CDT1: variants seen among roughly 807,000 people sequenced by gnomAD.
The protein encoded by CDT1 is DNA replication factor Cdt1.
In CDT1, 66 loss-of-function variants were observed where a neutral mutation model predicts 49.3. That is an observed-to-expected ratio of 1.34 (90% CI 1.10 to 1.64). The LOEUF is 1.64. Among genes scored for constraint, CDT1 ranks in the 40% most tolerant of loss-of-function variants. The pLI, the probability that CDT1 is intolerant of heterozygous loss-of-function variation, is 0.00. For synonymous variants in CDT1, 424 were observed against 347.4 expected, an observed-to-expected ratio of 1.22 and a Z score of -2.45; for missense variants, 958 against 807.7, an observed-to-expected ratio of 1.19 and a Z score of -2.26.
chr16:88,804,525 C>T lies in CDT1; in HGVS notation c.229-20C>T, dbSNP rs766599974. The T allele has an allele frequency of 5.6e-6, 9 of 1,610,508 alleles. No individual in the cohort carries two copies. Among genetic ancestry groups the T allele is most frequent in the Non-Finnish European group, 7.6e-6 (9 of 1,178,560 alleles). Reference sequence around the variant, plus strand: ...CACCAGGTCTTGTCATGAGTTCACCCTTGGGGTCCCTCCCACCAGGTTTCC... The same window carrying T: ...CACCAGGTCTTGTCATGAGTTCACCTTTGGGGTCCCTCCCACCAGGTTTCC... On this transcript the variant is annotated intron_variant, in intron 1 of 9. Transcript: ENST00000301019.
chr16:88,808,456 G>C lies in CDT1; in HGVS notation c.*178G>C. 5.8e-6 allele frequency: 4 copies of C among 694,374 alleles called. No individual in the cohort carries two copies. The highest frequency in any genetic ancestry group is 9.4e-6 in the Non-Finnish European group (4 of 423,412). 43.0% of individuals were successfully genotyped at this position (694,374 alleles called of 1,614,324 possible). ...CGAGGGTCTCTGGCTGCGGGCGGTG[G>C]GCCCCTTCATGGGGCTCACCTGGTG... On this transcript the variant is annotated 3_prime_UTR_variant, in exon 10 of 10. Coordinates refer to ENST00000301019, the MANE Select transcript of CDT1 (RefSeq NM_030928.4).
chr16:88,806,224 G>A, intron 6 of CDT1, 103 bp downstream of exon 6: 1 of 1,181,038 alleles, frequency 8.5e-7, no homozygotes, highest in Non-Finnish European at 1.2e-6. Context: ...GCTTCTCCCG[G>A]GATGGAACTG....
rs747397472 is a variant in CDT1, at chr16:88,806,642, C to G, written c.1090C>G (p.Leu364Val). 9 of 1,610,744 alleles carry G rather than the reference C, an allele frequency of 5.6e-6. No individual in the cohort carries two copies. The highest frequency in any genetic ancestry group is 1.1e-5 in the South Asian group (1 of 90,792). Residue 364 changes from leucine (L) to valine (V), a missense_variant, in exon 7 of 10, where the codon CTG becomes GTG. Physicochemically the swap from Leu to Val is conservative, Grantham distance 32 (BLOSUM62 1). Transcript: ENST00000301019. ...GAAGCTCACCACTGCTCAGGAGGTG[C>G]TGGCCCGGGCCCGCAACCTGATTTC... ...TEKLTTAQEVLARARNLISPR... is the reference protein window; with the variant it reads ...TEKLTTAQEVVARARNLISPR...
In CDT1 at chr16:88,804,808, T is replaced by C. The variant is rs780436081; in HGVS notation, c.398T>C (p.Leu133Pro). The C allele has an allele frequency of 1.2e-6, 2 of 1,612,608 alleles. No homozygotes were observed. Among genetic ancestry groups the C allele is most frequent in the South Asian group, 2.2e-5 (2 of 91,066 alleles). The part of the protein sequence containing the change: ...LASCLQRARE[L>P]GARVRALKAS... Reference sequence around the variant, plus strand: ...TCATGCCTGCAACGGGCCCGGGAGCTGGGGGCAAGAGTCCGGGCGCTGAAG... The same window carrying C: ...TCATGCCTGCAACGGGCCCGGGAGCCGGGGGCAAGAGTCCGGGCGCTGAAG... The change falls in exon 3 of 10, where the codon CTG becomes CCG. Residue 133 changes from leucine to proline, a missense_variant. Coordinates refer to ENST00000301019, the MANE Select transcript of CDT1 (RefSeq NM_030928.4).
At position 88,803,825 on chromosome 16, in the gene CDT1, C is replaced by G; in HGVS notation, c.-7C>G. On this transcript the variant is annotated 5_prime_UTR_variant, in exon 1 of 10. Transcript: ENST00000301019. The stretch of plus-strand genomic sequence containing the variant: ...CTTTCCTTGCTTTCGCCGCGCACTC[C>G]GCCGCCATGGAGCAGCGCCGCGTCA... The G allele has an allele frequency of 3.3e-6, 5 of 1,514,520 alleles. No individual in the cohort carries two copies. The highest frequency in any genetic ancestry group is 3.5e-6 in the Non-Finnish European group (4 of 1,131,800). The allele number at this position is 1,514,520 out of a possible 1,614,324, so 93.8% of individuals were successfully genotyped here.
chr16:88,804,507 T>G, intron 1 of CDT1, 38 bp from the exon 2 acceptor site: 1 of 1,603,738 alleles, frequency 6.2e-7, no homozygotes, highest in Non-Finnish European at 8.5e-7. Context: ...GAGCACCAGG[T>G]CTTGTCATGA....
chr16:88,804,130 G>A, intron 1 of CDT1, 71 bp downstream of exon 1: 1 of 1,058,862 alleles, frequency 9.4e-7, no homozygotes, highest in Non-Finnish European at 1.2e-6. Context: ...GGCAGGGCTC[G>A]GGGAAACTGA....
At position 88,807,354 on chromosome 16, in the gene CDT1, G is replaced by A. The variant is rs772355366; in HGVS notation, c.1349G>A (p.Arg450His). Residue 450 changes from arginine (R) to histidine (H), a missense_variant, in exon 9 of 10, where the codon CGC becomes CAC. Arg to His is a conservative substitution (Grantham distance 29). Transcript: ENST00000301019. ...RCPEQEQRLQ[R>H]LERLPELARV... ...CCGGAGCAGGAGCAGCGGCTGCAGC[G>A]CTTAGAACGGCTGCCTGAGCTGGCC... is the stretch of plus-strand genomic sequence containing the variant. The A allele has an allele frequency of 1.7e-5, 27 of 1,612,442 alleles. No homozygotes were observed. The highest frequency in any genetic ancestry group is 1.2e-4 in the South Asian group (11 of 91,076).
In CDT1 at chr16:88,807,175, AGGGGGTG is replaced by A; in HGVS notation, c.1248_1254del (p.Lys416AsnfsTer21). 6.2e-7 allele frequency: 1 copy of A among 1,612,404 alleles called. No homozygotes were observed. Among genetic ancestry groups the A allele is most frequent in the South Asian group, 1.1e-5 (1 of 91,048 alleles). Reference sequence around the variant, plus strand: ...CCTGCAGCCTCTCCCAGTGCTCTGAAGGGGGTGTCCCAGGATCTGCTGGAGCGGGTGA... The same window carrying A: ...CCTGCAGCCTCTCCCAGTGCTCTGAATCCCAGGATCTGCTGGAGCGGGTGA... On this transcript the variant is annotated frameshift_variant, in exon 8 of 10. Coordinates refer to ENST00000301019, the MANE Select transcript of CDT1 (RefSeq NM_030928.4). LOFTEE classifies it high-confidence loss of function.
At chr16:88,805,289 T>C in intron 3 of CDT1, 151 bp from the exon 4 acceptor site, 14 of 890,052 alleles carry the variant, frequency 1.6e-5, no homozygotes, top group Non-Finnish European at 2.3e-5. Flanking sequence ...CCCCTAACGG[T>C]GCCAGTGCTG....
At chr16:88,807,635 G>A (rs542924696) in intron 9 of CDT1, among the ~76,000 whole-genome samples, 153 bp downstream of exon 9, 6 of 152,298 alleles carry the variant, frequency 3.9e-5, no homozygotes, top group East Asian at 3.9e-4. Context: ...TGTCCTGGGC[G>A]CTCTGCCCTC....
rs1908812876 is a variant in CDT1, at chr16:88,805,457, C to T, written c.506C>T (p.Ala169Val). 2 of 1,612,748 alleles carry T rather than the reference C, an allele frequency of 1.2e-6. No individual in the cohort carries two copies. Among genetic ancestry groups the T allele is most frequent in the Non-Finnish European group, 1.7e-6 (2 of 1,179,930 alleles). The change falls in exon 4 of 10, where the codon GCC (alanine) becomes GTC (valine). Residue 169 changes from alanine (A) to valine (V), a missense_variant. Transcript: ENST00000301019. ...CCTGACAGTGGCGAGAAGGCGCCCGCCTACCAGCGCTTCCATGCCCTGGCC... is the reference window on the plus strand; with the variant it reads ...CCTGACAGTGGCGAGAAGGCGCCCGTCTACCAGCGCTTCCATGCCCTGGCC... The part of the protein sequence containing the change: ...PEEPCGEKAP[A>V]YQRFHALAQP...
rs755836854 is a variant in CDT1, at chr16:88,804,665, C to G, written c.349C>G (p.Gln117Glu). 1 of 1,612,504 alleles carries G rather than the reference C, an allele frequency of 6.2e-7. No homozygotes were observed. Among genetic ancestry groups the G allele is most frequent in the Non-Finnish European group, 8.5e-7 (1 of 1,179,804 alleles). Residue 117 changes from glutamine (Q) to glutamate (E), a missense_variant and splice_region_variant, in exon 2 of 10, where the codon CAG becomes GAG. By Grantham distance (29) the Gln-to-Glu change is conservative. Transcript: ENST00000301019. ...QPPHLTSAQD[Q>E]DTISELASCL... is the part of the protein sequence containing the mutation. ...GCCCCACCTGACATCCGCGCAGGAC[C>G]AGGTGAGGGGCGGGGCCTGGGGCAG...
rs558748090 is a variant in CDT1 at position 88,808,259 on chromosome 16, G to T, written c.1622G>T (p.Arg541Leu). 426 of 1,595,614 alleles carry T rather than the reference G, an allele frequency of 2.7e-4. 4 individuals are homozygous for T. The South Asian group carries it at 4.1e-3, about 15-fold the overall frequency. The change falls in exon 10 of 10, where the codon CGT becomes CTT. Residue 541 changes from arginine (R) to leucine (L), a missense_variant. Transcript: ENST00000301019. ...HITARLAHQTRAEEGL is the reference protein window; with the variant it reads ...HITARLAHQTLAEEGL ...ACTGCACGCCTGGCCCACCAGACACGTGCTGAGGAGGGGCTGTGAGCCTGG... is the reference window on the plus strand; with the variant it reads ...ACTGCACGCCTGGCCCACCAGACACTTGCTGAGGAGGGGCTGTGAGCCTGG...
Position 88,808,089 on chromosome 16 carries a change from C to T in CDT1, c.1478-26C>T, listed in dbSNP as rs1435294394. On this transcript the variant is annotated intron_variant, in intron 9 of 9. Transcript: ENST00000301019. Reference sequence around the variant, plus strand: ...TGCAGGGCTGGGGCCCAGCACCAGCCTCAGTGTCCTCCTCTCCTCCCCCAG... The same window carrying T: ...TGCAGGGCTGGGGCCCAGCACCAGCTTCAGTGTCCTCCTCTCCTCCCCCAG... 5 of 1,610,016 alleles carry T rather than the reference C, an allele frequency of 3.1e-6. No individual in the cohort carries two copies. The African/African-American group carries it at 4.0e-5, about 13-fold the overall frequency.
chr16:88,805,774 C>T lies in CDT1; in HGVS notation c.737C>T (p.Ser246Phe), dbSNP rs890394045. The stretch of plus-strand genomic sequence containing the variant: ...CAGATCAAAACCGTGTACCCGGCCT[C>T]CTACCGCTTCCGCCAGGAGCGCAGT... ...VGQIKTVYPASYRFRQERSVP... is the reference protein window; with the variant it reads ...VGQIKTVYPAFYRFRQERSVP... Residue 246 changes from serine (S) to phenylalanine (F), a missense_variant, in exon 5 of 10, where the codon TCC becomes TTC. Coordinates refer to ENST00000301019, the MANE Select transcript of CDT1 (RefSeq NM_030928.4). The T allele has an allele frequency of 3.1e-6, 5 of 1,613,128 alleles. No homozygotes were observed. Among genetic ancestry groups the T allele is most frequent in the East Asian group, 2.2e-5 (1 of 44,886 alleles).
At position 88,808,661 on chromosome 16, in the gene CDT1, CTG is replaced by C; in HGVS notation, c.*384_*385del. ...GCCATCCCCTCTAATCTTGGAACCT[CTG>C]AATATGGGACCTCCCACAGCAAAGG... On this transcript the variant is annotated 3_prime_UTR_variant, in exon 10 of 10. Coordinates refer to ENST00000301019, the MANE Select transcript of CDT1 (RefSeq NM_030928.4). The C allele has an allele frequency of 3.8e-6, 1 of 261,260 alleles. No individual in the cohort carries two copies. The highest frequency in any genetic ancestry group is 7.4e-6 in the Non-Finnish European group (1 of 134,558). The allele number at this position is 261,260 out of a possible 1,614,324, so 16.2% of individuals were successfully genotyped here.
At position 88,803,903 on chromosome 16, in the gene CDT1, G is replaced by C; in HGVS notation, c.72G>C (p.Lys24Asn). Residue 24 changes from lysine (K) to asparagine (N), a missense_variant, in exon 1 of 10, where the codon AAG (lysine) becomes AAC (asparagine). Lys to Asn is a moderately conservative substitution (Grantham distance 94). Transcript: ENST00000301019. Reference sequence around the variant, plus strand: ...GGCCCCCCCGCATCGCGCCGCCCAAGCTGGCCTGCCGCACCCCCAGCCCCG... The same window carrying C: ...GGCCCCCCCGCATCGCGCCGCCCAACCTGGCCTGCCGCACCCCCAGCCCCG... ...RPGPPRIAPP[K>N]LACRTPSPAR... The C allele has an allele frequency of 7.0e-7, 1 of 1,419,968 alleles. No individual in the cohort carries two copies. The highest frequency in any genetic ancestry group is 3.3e-5 in the East Asian group (1 of 30,626). 88.0% of individuals were successfully genotyped at this position (1,419,968 alleles called of 1,614,324 possible).
chr16:88,806,590 C>G lies in CDT1; in HGVS notation c.1038C>G (p.Ala346=). 1 of 1,608,150 alleles carries G rather than the reference C, an allele frequency of 6.2e-7. No individual in the cohort carries two copies. Among genetic ancestry groups the G allele is most frequent in the Admixed American group, 1.7e-5 (1 of 59,576 alleles). ...ATGAAGTACCCGACATCGAGCCGGCCGCGCTGCCCCAGCCACCCGCCACGG... is the reference window on the plus strand; with the variant it reads ...ATGAAGTACCCGACATCGAGCCGGCGGCGCTGCCCCAGCCACCCGCCACGG... The part of the protein sequence containing the change: ...NVDEVPDIEP[A]ALPQPPATEK... Residue 346 remains alanine (A), a synonymous_variant, in exon 7 of 10, where the codon GCC becomes GCG. Coordinates refer to ENST00000301019, the MANE Select transcript of CDT1 (RefSeq NM_030928.4).
Sources: allele counts gnomAD v4.1 joint callset (sites outside exome capture counted in the v4.1 genomes callset), GRCh38; gene constraint gnomAD v4.1.1; transcripts MANE v1.5; gene names NCBI Gene and HGNC (gene_info 2026-07-23, HGNC 2026-07-21).